SATB2: variants seen among roughly 807,000 people sequenced by gnomAD.
SATB2 encodes the protein DNA-binding protein SATB2.
A neutral mutation model predicts 73.4 loss-of-function variants in SATB2; 1 was observed. That is an observed-to-expected ratio of 0.01 (90% CI 0.00 to 0.06). The LOEUF (loss-of-function observed/expected upper bound fraction) is 0.06. SATB2 is among the 10% of genes least tolerant of loss of function. The pLI, the probability that SATB2 is intolerant of heterozygous loss-of-function variation, is 1.00. For synonymous variants in SATB2, 397 were observed against 367.0 expected (o/e 1.08, Z -0.93); for missense variants, 459 against 945.8 (o/e 0.49, Z 6.75).
chr2:199,374,159 AC>A, intron 5 of SATB2, among the ~76,000 whole-genome samples: 1 of 152,216 alleles, frequency 6.6e-6, no homozygotes, highest in Non-Finnish European at 1.5e-5. Context: ...TACCATTGTC[AC>A]ACCGGAAATC....
rs116560862 is a variant in SATB2 at position 199,279,667 on chromosome 2, G to A, written c.1741-6995C>T. ...AGCCTCACCCAAAGCTTCAGGTCCT[G>A]TAGGGTAAGGTATATTCATAGGAGA... On this transcript the variant is annotated intron_variant, in intron 10 of 10. Transcript: ENST00000417098. 6.4e-3 allele frequency among the ~76,000 whole-genome samples: 976 copies of A among 152,282 alleles called. 9 individuals are homozygous for A. Among genetic ancestry groups the A allele is most frequent in the African/African-American group, 0.022 (912 of 41,572 alleles).
intron 7 of SATB2, among the ~76,000 whole-genome samples, chr2:199,331,356 G>A (rs1688186066): frequency 6.6e-6 from 1 of 151,882 alleles, no homozygotes; most frequent in Non-Finnish European, 1.5e-5. Context: ...AACCATTTCT[G>A]AGGTGAAAGA....
intron 7 of SATB2, among the ~76,000 whole-genome samples, chr2:199,343,398 G>C (rs1263329792): frequency 6.6e-6 from 1 of 152,112 alleles, no homozygotes; most frequent in African/African-American, 2.4e-5. Flanking sequence ...GTTTATTATA[G>C]CTGGCAAGTC....
At chr2:199,419,608 C>T (rs2105912344) in intron 3 of SATB2, among the ~76,000 whole-genome samples, 1 of 152,256 alleles carries the variant, frequency 6.6e-6, no homozygotes, top group Admixed American at 6.5e-5. Flanking sequence ...GGAACGGTTC[C>T]TGTCATCTTG....
At chr2:199,447,108 A>G (rs534567746) in intron 2 of SATB2, among the ~76,000 whole-genome samples, 1 of 152,202 alleles carries the variant, frequency 6.6e-6, no homozygotes, top group South Asian at 2.1e-4. Context: ...CTCCACCGTC[A>G]CCACCTAGGT....
chr2:199,436,346 A>T (rs1164753995), intron 2 of SATB2, among the ~76,000 whole-genome samples: 1 of 152,158 alleles, frequency 6.6e-6, no homozygotes, highest in Admixed American at 6.5e-5. Context: ...CAGTGATTGA[A>T]GGAAGCAATT....
At position 199,272,707 on chromosome 2, in the gene SATB2, C is replaced by T. The variant is rs372184346; in HGVS notation, c.1741-35G>A. The T allele has an allele frequency of 6.9e-5, 109 of 1,582,354 alleles. No homozygotes were observed. Among genetic ancestry groups the T allele is most frequent in the Non-Finnish European group, 6.9e-5 (80 of 1,151,244 alleles). Reference sequence around the variant, plus strand: ...AAGAGAGAAAAAAATGAACACTGGACTCATGATTTTACCTTTCCAAAACCA... The same window carrying T: ...AAGAGAGAAAAAAATGAACACTGGATTCATGATTTTACCTTTCCAAAACCA... On this transcript the variant is annotated intron_variant, in intron 10 of 10. Transcript: ENST00000417098. The surrounding 1 kb of genome is among the most constrained non-coding windows in gnomAD (Gnocchi z 6.7).
chr2:199,342,810 A>C (rs1249579733), intron 7 of SATB2, among the ~76,000 whole-genome samples: 1 of 152,194 alleles, frequency 6.6e-6, no homozygotes, highest in African/African-American at 2.4e-5. Flanking sequence ...TTATCAAACA[A>C]ATACATTTTA....
chr2:199,466,014 T>A (rs1390502821), upstream of SATB2, among the ~76,000 whole-genome samples: 3 of 152,214 alleles, frequency 2.0e-5, no homozygotes, highest in Middle Eastern at 3.2e-3. Context: ...TAGACAACTT[T>A]TCCTTTCCAC....
intron 9 of SATB2, among the ~76,000 whole-genome samples, chr2:199,317,513 C>CTTAAAATGAGTT (rs1182981231): frequency 7.9e-5 from 12 of 152,048 alleles, no homozygotes; most frequent in Non-Finnish European, 1.8e-4. Context: ...ATAAAATGAA[C>CTTAAAATGAGTT]TTAAAATGAG....
At chr2:199,439,498 A>T (rs1384697073) in intron 2 of SATB2, among the ~76,000 whole-genome samples, 1 of 152,244 alleles carries the variant, frequency 6.6e-6, no homozygotes, top group East Asian at 1.9e-4. Flanking sequence ...TTTTCTTCGT[A>T]TAAAACTGAA....
chr2:199,407,595 T>G (rs567448238), intron 3 of SATB2, among the ~76,000 whole-genome samples: 5 of 152,210 alleles, frequency 3.3e-5, no homozygotes, highest in African/African-American at 9.6e-5. Context: ...ACAACTGCTG[T>G]GGGAGATGAT....
chr2:199,442,789 A>C (rs1284097821), intron 2 of SATB2, among the ~76,000 whole-genome samples: 1 of 152,192 alleles, frequency 6.6e-6, no homozygotes, highest in African/African-American at 2.4e-5. Context: ...AAAGGAAAAA[A>C]ACAGGATATA....
At chr2:199,285,258 A>G (rs1692650734) in intron 10 of SATB2, among the ~76,000 whole-genome samples, 1 of 152,158 alleles carries the variant, frequency 6.6e-6, no homozygotes. Context: ...TACTTGAGTC[A>G]AATCACTTAG....
Position 199,290,071 on chromosome 2 carries a change from C to T in SATB2, c.1741-17399G>A, listed in dbSNP as rs561364363. The stretch of plus-strand genomic sequence containing the variant: ...ACTGCAGCCTGAGCCCCTGCTGGTC[C>T]TTGCTCCCCAGCCCCTGCCTTGCAG... On this transcript the variant is annotated intron_variant, in intron 10 of 10. Coordinates refer to ENST00000417098, the MANE Select transcript of SATB2 (RefSeq NM_001172509.2). Among the ~76,000 whole-genome samples the T allele has an allele frequency of 1.8e-4, 27 of 152,300 alleles. No individual in the cohort carries two copies. The South Asian group carries it at 5.2e-3, about 29-fold the overall frequency.
rs961472526 is a variant in SATB2, at chr2:199,463,293, C to A, written c.-141+1543G>T. 6.6e-5 allele frequency among the ~76,000 whole-genome samples: 10 copies of A among 152,182 alleles called. No homozygotes were observed. Among genetic ancestry groups the A allele is most frequent in the Non-Finnish European group, 1.5e-4 (10 of 68,024 alleles). On this transcript the variant is annotated intron_variant, in intron 1 of 11. Transcript: ENST00000260926. This position sits in a 1 kb window ranked among gnomAD's most constrained non-coding sequence, Gnocchi z 6.4. ...TGTAGAAATCGACTGTAAACCGGGACAACAAGGCAAGGGTGGGGGAAGAAA... is the reference window on the plus strand; with the variant it reads ...TGTAGAAATCGACTGTAAACCGGGAAAACAAGGCAAGGGTGGGGGAAGAAA...
At chr2:199,421,963 G>A (rs565706118) in intron 3 of SATB2, among the ~76,000 whole-genome samples, 1 of 152,322 alleles carries the variant, frequency 6.6e-6, no homozygotes, top group Admixed American at 6.5e-5. Flanking sequence ...CATGTGCTGG[G>A]TATATAGTAT....
intron 3 of SATB2, among the ~76,000 whole-genome samples, chr2:199,385,330 C>T (rs778636518): frequency 1.1e-4 from 16 of 152,100 alleles, no homozygotes; most frequent in Non-Finnish European, 2.2e-4. Flanking sequence ...GACAGGGTTT[C>T]ACCATGTTGG....
chr2:199,331,214 TTG>T (rs762250760), intron 7 of SATB2, among the ~76,000 whole-genome samples: 84 of 52,910 alleles, frequency 1.6e-3, no homozygotes, highest in Admixed American at 5.8e-3. Flanking sequence ...AATTTGTTTC[TTG>T]TTTTTTTTTT....
Sources: gnomAD v4.1 joint callset for allele counts (sites outside exome capture counted in the v4.1 genomes callset) on GRCh38, gnomAD v4.1.1 for gene constraint, Gnocchi (gnomAD v3.1) non-coding constraint, MANE v1.5 for transcripts, NCBI Gene and HGNC (gene_info 2026-07-23, HGNC 2026-07-21) for gene names.